LRP1B: variants seen among roughly 807,000 people sequenced by gnomAD.
LRP1B encodes low-density lipoprotein receptor-related protein 1B.
Under a neutral mutation model 556.6 loss-of-function variants are expected in LRP1B, and 217 were observed. That is an observed-to-expected ratio of 0.39 (90% CI 0.35 to 0.44). LRP1B has a LOEUF of 0.44. LRP1B is among the 20% of genes least tolerant of loss of function. LRP1B has a pLI of 1.00. For missense variants in LRP1B, 5,053 were observed against 5,620.8 expected, an observed-to-expected ratio of 0.90 and a Z score of 3.23; for synonymous variants, 2,047 against 1,865.8, an observed-to-expected ratio of 1.10 and a Z score of -2.50.
At chr2:141,362,569 C>T (rs1688864565) in intron 3 of LRP1B, among the ~76,000 whole-genome samples, 1 of 152,234 alleles carries the variant, frequency 6.6e-6, no homozygotes, top group African/African-American at 2.4e-5. Flanking sequence ...TGTACTACTA[C>T]ATTTTTGGCC....
At chr2:140,489,352 C>T (rs574684686) in intron 57 of LRP1B, among the ~76,000 whole-genome samples, 1 of 152,106 alleles carries the variant, frequency 6.6e-6, no homozygotes, top group Admixed American at 6.6e-5. Context: ...GTGCAAATTC[C>T]TTGCTAAGCC....
chr2:140,938,728 T>C (rs1695304062), intron 20 of LRP1B, among the ~76,000 whole-genome samples: 1 of 152,088 alleles, frequency 6.6e-6, no homozygotes. Context: ...AAGTAACAAA[T>C]ATAAAATGTC....
intron 11 of LRP1B, among the ~76,000 whole-genome samples, chr2:141,029,359 G>A (rs535024811): frequency 6.6e-6 from 1 of 152,068 alleles, no homozygotes; most frequent in Non-Finnish European, 1.5e-5. Context: ...TATTGGGAGA[G>A]GCAGTCCCCT....
intron 84 of LRP1B, among the ~76,000 whole-genome samples, chr2:140,293,724 G>A (rs769146004): frequency 1.3e-5 from 2 of 151,966 alleles, no homozygotes; most frequent in East Asian, 3.9e-4. Context: ...GTCAGCTGTT[G>A]AATTTGTCAT....
intron 25 of LRP1B, among the ~76,000 whole-genome samples, chr2:140,869,397 C>T (rs1454811633): frequency 6.6e-6 from 1 of 151,840 alleles, no homozygotes; most frequent in Non-Finnish European, 1.5e-5. Context: ...CTCCTGCCTG[C>T]CAAATTAGGG....
chr2:141,599,285 T>C (rs559653270), intron 2 of LRP1B, among the ~76,000 whole-genome samples: 2 of 152,084 alleles, frequency 1.3e-5, no homozygotes, highest in East Asian at 3.9e-4. Context: ...ATTTCTCCAT[T>C]TGGCTTTTTT....
At chr2:140,581,543 C>CA (rs1681763353) in intron 43 of LRP1B, among the ~76,000 whole-genome samples, 10 of 146,186 alleles carry the variant, frequency 6.8e-5, no homozygotes, top group Non-Finnish European at 1.2e-4. Flanking sequence ...AATGTCTTCA[C>CA]GTTTTTTGTC....
At chr2:142,041,709 G>A (rs987593324) in intron 1 of LRP1B, among the ~76,000 whole-genome samples, 36 of 151,414 alleles carry the variant, frequency 2.4e-4, no homozygotes, top group African/African-American at 8.2e-4. Context: ...TGTATTTTAA[G>A]GATTTTAATT....
At chr2:141,891,345 T>C (rs1699285452) in intron 1 of LRP1B, among the ~76,000 whole-genome samples, 3 of 152,142 alleles carry the variant, frequency 2.0e-5, no homozygotes, top group African/African-American at 7.2e-5. Context: ...GCAAGGGGTG[T>C]ATGTAAGAAA....
intron 7 of LRP1B, among the ~76,000 whole-genome samples, chr2:141,123,028 T>C (rs1443255088): frequency 6.6e-6 from 1 of 151,938 alleles, no homozygotes; most frequent in Non-Finnish European, 1.5e-5. Context: ...ATGTTCTCAC[T>C]CATAGGTGGG....
At chr2:141,794,897 A>G (rs1695750720) in intron 2 of LRP1B, among the ~76,000 whole-genome samples, 2 of 152,024 alleles carry the variant, frequency 1.3e-5, no homozygotes, top group Admixed American at 1.3e-4. Flanking sequence ...ACACACAACT[A>G]TATTGGGTTA....
intron 43 of LRP1B, among the ~76,000 whole-genome samples, chr2:140,570,742 T>C (rs951127140): frequency 1.1e-4 from 17 of 151,944 alleles, no homozygotes; most frequent in African/African-American, 3.9e-4. Context: ...CCCATATCCA[T>C]GATGAATATC....
At chr2:141,580,748 G>A (rs1023480540) in intron 2 of LRP1B, among the ~76,000 whole-genome samples, 15 of 152,088 alleles carry the variant, frequency 9.9e-5, no homozygotes, top group East Asian at 5.8e-4. Context: ...AAAACTTCAC[G>A]GCAAACACCT....
chr2:141,773,089 A>G (rs1237827278), intron 2 of LRP1B, among the ~76,000 whole-genome samples: 1 of 152,232 alleles, frequency 6.6e-6, no homozygotes, highest in Non-Finnish European at 1.5e-5. Context: ...ATAAATTTGT[A>G]TTTAATTTAA....
At chr2:141,028,694 G>C (rs1053208059) in intron 11 of LRP1B, among the ~76,000 whole-genome samples, 3 of 151,902 alleles carry the variant, frequency 2.0e-5, no homozygotes, top group African/African-American at 7.3e-5. Flanking sequence ...ATGATTCTTA[G>C]ATCTTTTTAA....
At chr2:141,932,787 T>C (rs1269825494) in intron 1 of LRP1B, among the ~76,000 whole-genome samples, 2 of 151,980 alleles carry the variant, frequency 1.3e-5, no homozygotes. Context: ...GAATAGAATA[T>C]ATCAATCTTC....
At chr2:140,700,661 T>C (rs1423277947) in intron 40 of LRP1B, 40 bp from the exon 41 acceptor site, 45 of 1,580,626 alleles carry the variant, frequency 2.8e-5, no homozygotes, top group Non-Finnish European at 3.8e-5. Flanking sequence ...CATGTTTATG[T>C]TTTTCTTTTG....
At chr2:141,616,175 G>A (rs568067871) in intron 2 of LRP1B, among the ~76,000 whole-genome samples, 46 of 152,022 alleles carry the variant, frequency 3.0e-4, no homozygotes, top group African/African-American at 1.1e-3. Flanking sequence ...CTAGCTACTG[G>A]GGAGGCTGAG....
At chr2:141,409,055 G>A (rs1559054250) in intron 3 of LRP1B, among the ~76,000 whole-genome samples, 1 of 152,042 alleles carries the variant, frequency 6.6e-6, no homozygotes, top group Admixed American at 6.6e-5. Flanking sequence ...CATTTGCTAG[G>A]CTTATGGCAT....
Sources: gnomAD v4.1 joint callset for allele counts (sites outside exome capture counted in the v4.1 genomes callset) on GRCh38, gnomAD v4.1.1 for gene constraint, MANE v1.5 for transcripts, NCBI Gene and HGNC (gene_info 2026-07-23, HGNC 2026-07-21) for gene names.